The following HECW1 variants were observed in gnomAD, a reference collection of about 807,000 sequenced individuals.
HECW1 encodes HECT, C2 and WW domain containing E3 ubiquitin protein ligase 1, also known as E3 ubiquitin-protein ligase HECW1.
Under a neutral mutation model 182.3 loss-of-function variants are expected in HECW1, and 61 were observed. The observed-to-expected ratio is 0.33, with a 90% CI of 0.27 to 0.41. HECW1 has a LOEUF of 0.41. HECW1 is among the 10% of genes least tolerant of loss of function. The probability of loss-of-function intolerance (pLI) is 1.00; values close to 1 mark genes in which losing one functional copy is unlikely to be tolerated. For synonymous variants in HECW1, 859 were observed against 832.6 expected (o/e 1.03, Z -0.55); for missense variants, 1,739 against 2,108.9 (o/e 0.82, Z 3.44).
At chr7:43,179,892 C>T (rs1025058952) in intron 2 of HECW1, among the ~76,000 whole-genome samples, 2 of 152,088 alleles carry the variant, frequency 1.3e-5, no homozygotes, top group African/African-American at 4.8e-5. Context: ...TTTACTAGCG[C>T]AGTAATTTTT....
chr7:43,557,088 TA>T (rs76358585), intron 29 of HECW1, among the ~76,000 whole-genome samples: 1 of 151,770 alleles, frequency 6.6e-6, no homozygotes, highest in Non-Finnish European at 1.5e-5. Flanking sequence ...TCAAAGAACC[TA>T]AAAAAATGTC....
intron 6 of HECW1, among the ~76,000 whole-genome samples, chr7:43,370,894 T>C (rs1420069048): frequency 6.6e-6 from 1 of 151,652 alleles, no homozygotes; most frequent in Non-Finnish European, 1.5e-5. Flanking sequence ...TATTCTTTTT[T>C]TTTTTTTTTT....
chr7:43,449,777 G>T (rs2077172183), intron 11 of HECW1, among the ~76,000 whole-genome samples: 1 of 129,298 alleles, frequency 7.7e-6, no homozygotes, highest in South Asian at 3.1e-4. Flanking sequence ...GTGTGAGGCA[G>T]GAGGAACCAT....
intron 6 of HECW1, among the ~76,000 whole-genome samples, chr7:43,383,736 A>G (rs1326450487): frequency 2.6e-5 from 4 of 152,102 alleles, no homozygotes; most frequent in Non-Finnish European, 5.9e-5. Flanking sequence ...AGGGCTTCCA[A>G]TCCCCCATGC....
chr7:43,329,656 C>T (rs919986615), intron 5 of HECW1, among the ~76,000 whole-genome samples: 2 of 152,092 alleles, frequency 1.3e-5, no homozygotes, highest in Non-Finnish European at 2.9e-5. Context: ...ATTGAAGACA[C>T]CAAGTTCAGG....
At position 43,144,569 on chromosome 7, in the gene HECW1, A is replaced by G. The variant is rs751022446; in HGVS notation, c.-32+30178A>G. ...TCAGGAGTATTTTTTTATTATTTCAATTATAATCCAATAATACATTATTTT... is the reference window on the plus strand; with the variant it reads ...TCAGGAGTATTTTTTTATTATTTCAGTTATAATCCAATAATACATTATTTT... On this transcript the variant is annotated intron_variant, in intron 2 of 29. Coordinates refer to ENST00000395891, the MANE Select transcript of HECW1 (RefSeq NM_015052.5). Among the ~76,000 whole-genome samples the G allele has an allele frequency of 3.0e-4, 46 of 152,250 alleles. 1 individual carries two copies. The Middle Eastern group carries it at 0.014, about 45-fold the overall frequency.
chr7:43,427,134 A>G (rs1454628745), intron 8 of HECW1, among the ~76,000 whole-genome samples: 2 of 152,174 alleles, frequency 1.3e-5, no homozygotes, highest in Non-Finnish European at 2.9e-5. Flanking sequence ...AGTTTTGTGG[A>G]CATAGAACTC....
chr7:43,275,427 G>T (rs570467802), intron 3 of HECW1, among the ~76,000 whole-genome samples: 3 of 152,116 alleles, frequency 2.0e-5, no homozygotes, highest in Non-Finnish European at 4.4e-5. Context: ...TTATCTTGGG[G>T]TGATGACGCT....
At chr7:43,488,531 C>T (rs1010594586) in intron 17 of HECW1, among the ~76,000 whole-genome samples, 17 of 151,250 alleles carry the variant, frequency 1.1e-4, no homozygotes, top group African/African-American at 3.9e-4. Flanking sequence ...AGAAAGAAAG[C>T]CATGTTGGCA....
At chr7:43,367,792 A>G (rs1483024294) in intron 6 of HECW1, among the ~76,000 whole-genome samples, 1 of 152,240 alleles carries the variant, frequency 6.6e-6, no homozygotes, top group Non-Finnish European at 1.5e-5. Flanking sequence ...CAAGGGTGAT[A>G]TAAGTTGATG....
chr7:43,364,144 G>C (rs566155828), intron 6 of HECW1, among the ~76,000 whole-genome samples: 18 of 152,244 alleles, frequency 1.2e-4, no homozygotes, highest in Middle Eastern at 6.8e-3. Context: ...GTGACAATAC[G>C]CTAAACCTAC....
intron 3 of HECW1, among the ~76,000 whole-genome samples, chr7:43,291,251 A>G (rs182300758): frequency 1.3e-5 from 2 of 152,228 alleles, no homozygotes; most frequent in African/African-American, 2.4e-5. Flanking sequence ...AAAAGCAGAC[A>G]TATTTATCCT....
intron 3 of HECW1, among the ~76,000 whole-genome samples, chr7:43,284,341 T>A: frequency 6.6e-6 from 1 of 151,902 alleles, no homozygotes; most frequent in Non-Finnish European, 1.5e-5. Flanking sequence ...CTCACACACT[T>A]CTTATTTTTT....
At position 43,555,984 on chromosome 7, in the gene HECW1, C is replaced by T. The variant is rs542755739; in HGVS notation, c.4709+1194C>T. ...TAGAGAAATGCAGCTTGAGTCATCA[C>T]TGATGATAGCATGCAGCTTGAGGAG... On this transcript the variant is annotated intron_variant, in intron 29 of 29. Coordinates refer to ENST00000395891, the MANE Select transcript of HECW1 (RefSeq NM_015052.5). Among the ~76,000 whole-genome samples the T allele has an allele frequency of 1.1e-3, 165 of 152,336 alleles. 1 individual carries two copies. Among genetic ancestry groups the T allele is most frequent in the African/African-American group, 3.8e-3 (158 of 41,578 alleles).
intron 2 of HECW1, among the ~76,000 whole-genome samples, chr7:43,198,347 CATA>C (rs1562662761): frequency 6.7e-6 from 1 of 149,884 alleles, no homozygotes; most frequent in Non-Finnish European, 1.5e-5. Flanking sequence ...ATACACTCAT[CATA>C]GTCACACACC....
chr7:43,364,660 G>A (rs1199104452), intron 6 of HECW1, among the ~76,000 whole-genome samples: 1 of 152,226 alleles, frequency 6.6e-6, no homozygotes, highest in Non-Finnish European at 1.5e-5. Context: ...CTGTACAAAG[G>A]CACGGGGTGA....
At chr7:43,248,725 C>A in intron 3 of HECW1, 1 of 109,386 alleles carries the variant, frequency 9.1e-6, no homozygotes, top group South Asian at 3.4e-4. Context: ...TCCTCCTCCT[C>A]CTTTTCCTCC....
rs114666905 is a variant in HECW1, at chr7:43,411,602, A to G, written c.801+3871A>G. The stretch of plus-strand genomic sequence containing the variant: ...CATGTTTAAATCCTTTACTATGTTC[A>G]TGGAATTGTCTGTTTCTCTAATTCT... On this transcript the variant is annotated intron_variant, in intron 8 of 29. Transcript: ENST00000395891. 2.7e-3 allele frequency among the ~76,000 whole-genome samples: 416 copies of G among 152,288 alleles called. 1 individual carries two copies. Among genetic ancestry groups the G allele is most frequent in the African/African-American group, 9.0e-3 (375 of 41,572 alleles).
At chr7:43,167,943 T>C (rs754630724) in intron 2 of HECW1, among the ~76,000 whole-genome samples, 1 of 152,164 alleles carries the variant, frequency 6.6e-6, no homozygotes, top group Non-Finnish European at 1.5e-5. Flanking sequence ...ACAACCATAC[T>C]GTAAGCCCAG....
Sources: allele counts gnomAD v4.1 joint callset (sites outside exome capture counted in the v4.1 genomes callset), GRCh38; gene constraint gnomAD v4.1.1; transcripts MANE v1.5; gene names NCBI Gene and HGNC (gene_info 2026-07-23, HGNC 2026-07-21).